The following GSG1L variants were observed in gnomAD, a reference collection of about 807,000 sequenced individuals.
GSG1L encodes the protein GSG1 like.
Under a neutral mutation model 42.1 loss-of-function variants are expected in GSG1L, and 24 were observed. The observed-to-expected ratio is 0.57, with a 90% CI of 0.41 to 0.80. The LOEUF (loss-of-function observed/expected upper bound fraction) is 0.80. Ranked by LOEUF, GSG1L falls within the 30% of genes least tolerant of loss-of-function variation. The probability of loss-of-function intolerance (pLI) is 0.00; values close to 1 mark genes in which losing one functional copy is unlikely to be tolerated. For missense variants in GSG1L, 445 were observed against 472.2 expected (o/e 0.94, Z 0.53); for synonymous variants, 215 against 203.5 (o/e 1.06, Z -0.48).
intron 1 of GSG1L, among the ~76,000 whole-genome samples, chr16:27,965,735 T>A (rs547866971): frequency 2.0e-4 from 30 of 152,352 alleles, no homozygotes; most frequent in African/African-American, 7.0e-4. Flanking sequence ...CCTCCGCTGG[T>A]CCAGCCACCA....
chr16:28,020,753 G>A (rs1186649919), intron 1 of GSG1L, among the ~76,000 whole-genome samples: 1 of 152,188 alleles, frequency 6.6e-6, no homozygotes, highest in African/African-American at 2.4e-5. Context: ...GCTGAATCTG[G>A]GGGAAGCCAG....
At chr16:27,947,194 A>C (rs2084882613) in intron 2 of GSG1L, among the ~76,000 whole-genome samples, 1 of 152,040 alleles carries the variant, frequency 6.6e-6, no homozygotes, top group African/African-American at 2.4e-5. Flanking sequence ...TGGTGCAATC[A>C]CAGCTCACTG....
intron 2 of GSG1L, among the ~76,000 whole-genome samples, chr16:27,952,452 C>T (rs749875979): frequency 2.0e-5 from 3 of 152,054 alleles, no homozygotes; most frequent in Non-Finnish European, 2.9e-5. Flanking sequence ...GCAAAGCAAA[C>T]GAGGTGGTAA....
chr16:27,950,845 G>A (rs757222483), intron 2 of GSG1L, among the ~76,000 whole-genome samples: 177 of 152,178 alleles, frequency 1.2e-3, no homozygotes, highest in Non-Finnish European at 4.7e-4. Flanking sequence ...CCTCATGCAC[G>A]AGAAGGAATT....
intron 1 of GSG1L, among the ~76,000 whole-genome samples, chr16:28,020,944 AC>A (rs1349885057): frequency 6.6e-6 from 1 of 152,088 alleles, no homozygotes; most frequent in African/African-American, 2.4e-5. Flanking sequence ...CTCCTGAGAG[AC>A]CCCCAACCCA....
chr16:27,854,883 G>T (rs1412319361), intron 3 of GSG1L, among the ~76,000 whole-genome samples: 1 of 152,118 alleles, frequency 6.6e-6, no homozygotes, highest in African/African-American at 2.4e-5. Flanking sequence ...ATCCAGGAGA[G>T]CGGGGAAAGC....
intron 2 of GSG1L, among the ~76,000 whole-genome samples, chr16:27,946,366 G>A (rs1295338705): frequency 6.6e-6 from 1 of 151,796 alleles, no homozygotes; most frequent in African/African-American, 2.4e-5. Context: ...GCAACATGGC[G>A]AAACCCTGCC....
At chr16:27,998,767 G>A (rs1024263343) in intron 1 of GSG1L, among the ~76,000 whole-genome samples, 6 of 151,982 alleles carry the variant, frequency 3.9e-5, no homozygotes, top group African/African-American at 1.4e-4. Flanking sequence ...CTGAGCAACA[G>A]AGTGAAACCT....
At chr16:27,860,581 G>A (rs1374505731) in intron 3 of GSG1L, among the ~76,000 whole-genome samples, 2 of 152,254 alleles carry the variant, frequency 1.3e-5, no homozygotes, top group Non-Finnish European at 2.9e-5. Context: ...AATAGCCATT[G>A]GGGAGTTTCT....
At chr16:27,808,974 A>G (rs1353778748) in intron 5 of GSG1L, among the ~76,000 whole-genome samples, 1 of 152,150 alleles carries the variant, frequency 6.6e-6, no homozygotes, top group Admixed American at 6.5e-5. Context: ...TGGGCCCGAG[A>G]ACCGGTGGGG....
chr16:27,888,167 CA>C, intron 2 of GSG1L: 1 of 983,364 alleles, frequency 1.0e-6, no homozygotes, highest in Admixed American at 6.1e-5. Context: ...CTCCCCCACG[CA>C]GCCCCCACAC....
chr16:27,861,387 A>C (rs2083649574), intron 3 of GSG1L, among the ~76,000 whole-genome samples: 1 of 151,610 alleles, frequency 6.6e-6, no homozygotes, highest in South Asian at 2.1e-4. Context: ...AAAAAATTAA[A>C]AATTAAAAAA....
At chr16:27,979,733 A>AGGAAGG (rs768837828) in intron 1 of GSG1L, among the ~76,000 whole-genome samples, 7 of 65,354 alleles carry the variant, frequency 1.1e-4, no homozygotes, top group African/African-American at 3.4e-4. Context: ...GAAGGAAAGA[A>AGGAAGG]AAAGAAAGAA....
At chr16:28,027,165 C>T (rs969656555) in intron 1 of GSG1L, among the ~76,000 whole-genome samples, 2 of 152,178 alleles carry the variant, frequency 1.3e-5, no homozygotes, top group Non-Finnish European at 2.9e-5. Flanking sequence ...CACTCTCCAT[C>T]CTCTTCTCTC....
intron 1 of GSG1L, among the ~76,000 whole-genome samples, chr16:28,014,968 G>T (rs888394808): frequency 6.6e-6 from 1 of 152,220 alleles, no homozygotes; most frequent in Non-Finnish European, 1.5e-5. Context: ...CAGGTTGTGA[G>T]CTTTGAGAGG....
At chr16:27,892,501 C>T (rs1409158030) in intron 2 of GSG1L, among the ~76,000 whole-genome samples, 2 of 151,774 alleles carry the variant, frequency 1.3e-5, no homozygotes, top group African/African-American at 4.8e-5. Flanking sequence ...TGGTGGCTCA[C>T]GCCTGTAATC....
intron 1 of GSG1L, among the ~76,000 whole-genome samples, chr16:27,982,583 G>T (rs7204104): frequency 1.3e-5 from 2 of 151,964 alleles, no homozygotes; most frequent in Non-Finnish European, 2.9e-5. Context: ...TCTATTTTGC[G>T]TTGCTATAAA....
rs2082720541 is a variant in GSG1L at position 27,788,915 on chromosome 16, G to C, written c.*2455C>G. ...TGGAGAAGGTGGAATCTGAACCCAG[G>C]CTCACGACAATAGATGCCCTCTCTG... On this transcript the variant is annotated 3_prime_UTR_variant, in exon 7 of 7. Transcript: ENST00000447459. 1.3e-5 allele frequency: 2 copies of C among 152,260 alleles called. No homozygotes were observed. Among genetic ancestry groups the C allele is most frequent in the Non-Finnish European group, 2.9e-5 (2 of 68,058 alleles). 9.4% of individuals were successfully genotyped at this position (152,260 alleles called of 1,614,324 possible).
At chr16:27,849,659 A>C (rs556112057) in intron 3 of GSG1L, among the ~76,000 whole-genome samples, 10 of 152,316 alleles carry the variant, frequency 6.6e-5, no homozygotes, top group African/African-American at 2.4e-4. Flanking sequence ...AGTAACTGGG[A>C]CTAAAGGTGC....
Sources: allele counts gnomAD v4.1 joint callset (sites outside exome capture counted in the v4.1 genomes callset), GRCh38; gene constraint gnomAD v4.1.1; transcripts MANE v1.5; gene names NCBI Gene and HGNC (gene_info 2026-07-23, HGNC 2026-07-21).